PLSCR3: variants seen among roughly 807,000 people sequenced by gnomAD.
The protein encoded by PLSCR3 is phospholipid scramblase 3, also known as PL scramblase 3.
Under a neutral mutation model 33.7 loss-of-function variants are expected in PLSCR3, and 17 were observed. That is an observed-to-expected ratio of 0.50 (90% confidence interval 0.35 to 0.76). PLSCR3 has a LOEUF of 0.76. Among genes scored for constraint, PLSCR3 ranks in the 30% least tolerant of loss-of-function variants. The pLI is 0.01. For synonymous variants in PLSCR3, 166 were observed against 166.0 expected, an observed-to-expected ratio of 1.00 and a Z score of 0.00; for missense variants, 360 against 394.1, an observed-to-expected ratio of 0.91 and a Z score of 0.73.
Position 7,393,661 on chromosome 17 carries a change from C to T in PLSCR3, c.183G>A (p.Gly61=), listed in dbSNP as rs773554189. The change falls in exon 3 of 8, where the codon GGG becomes GGA. Residue 61 remains glycine (G), a synonymous_variant. Transcript: ENST00000619711. ...GCAGTGGCAAGAAGGGGGCAGCAGA[C>T]CCCAAGGCCACGGGGCCAGGCGAGG... ...LFPSPGPVAL[G]SAAPFLPLPG... is the part of the protein sequence containing the mutation. 17 of 1,606,708 alleles carry T rather than the reference C, an allele frequency of 1.1e-5. No homozygotes were observed. The highest frequency in any genetic ancestry group is 1.4e-5 in the Non-Finnish European group (17 of 1,178,822).
In PLSCR3 at chr17:7,394,512, C is replaced by T. The variant is rs1471744265; in HGVS notation, c.-193G>A. On this transcript the variant is annotated 5_prime_UTR_variant, in exon 1 of 8. Transcript: ENST00000619711. This position sits in a 1 kb window ranked among gnomAD's most constrained non-coding sequence, Gnocchi z 5.3. ...CAGAAGAGCCCGGGTGCCTAGCACTCGGCAGCTCACAGGAGCTGGCGGAGG... is the reference window on the plus strand; with the variant it reads ...CAGAAGAGCCCGGGTGCCTAGCACTTGGCAGCTCACAGGAGCTGGCGGAGG... 1 of 169,314 alleles carries T rather than the reference C, an allele frequency of 5.9e-6. No individual in the cohort carries two copies. 10.5% of individuals were successfully genotyped at this position (169,314 alleles called of 1,614,324 possible).
Position 7,393,322 on chromosome 17 carries a change from G to C in PLSCR3, c.329C>G (p.Ser110Cys), listed in dbSNP as rs779463098. 8 of 1,612,182 alleles carry C rather than the reference G, an allele frequency of 5.0e-6. No homozygotes were observed. In the South Asian group the frequency reaches 8.8e-5, roughly 18 times the overall value. Residue 110 changes from serine (S) to cysteine (C), a missense_variant, in exon 5 of 8, where the codon TCT (serine) becomes TGT (cysteine). Ser to Cys is a moderately radical substitution (Grantham distance 112, BLOSUM62 -1). Transcript: ENST00000619711. ...WETCNRYELR[S>C]GAGQPLGQAA... ...CTGACCCAGGGGCTGCCCGGCCCCA[G>C]AGCGCAGTTCATACCGATTACAGGT...
At chr17:7,393,566 C>T (rs1905917395) in intron 3 of PLSCR3, 35 bp downstream of exon 3, 1 of 1,613,544 alleles carries the variant, frequency 6.2e-7, no homozygotes, top group Non-Finnish European at 8.5e-7. Context: ...CCCAAGTCCC[C>T]TCCCAGTCAT....
chr17:7,393,112 G>GGCCCCCCCCCCCCCCCCCCCCCCCC, intron 5 of PLSCR3, 32 bp downstream of exon 5: 20 of 1,255,988 alleles, frequency 1.6e-5, no homozygotes, highest in Non-Finnish European at 2.1e-5. Context: ...CCCCACCAAG[G>GGCCCCCCCCCCCCCCCCCCCCCCCC]CCCGCCCTCC....
chr17:7,392,880 A>G lies in PLSCR3; in HGVS notation c.580T>C (p.Phe194Leu), dbSNP rs1905833447. The change falls in exon 6 of 8, where the codon TTC (phenylalanine) becomes CTC (leucine). Residue 194 changes from phenylalanine (F) to leucine (L), a missense_variant. By Grantham distance (22) the Phe-to-Leu change is conservative. Transcript: ENST00000619711. ...TGGCGATCGGCATCCTGGATGGAGA[A>G]CTTGGGGAGGAAGGGATGCCAGGTC... ...LQTWHPFLPK[F>L]SIQDADRQTV... 6.2e-7 allele frequency: 1 copy of G among 1,614,110 alleles called. No individual in the cohort carries two copies. The highest frequency in any genetic ancestry group is 1.1e-5 in the South Asian group (1 of 91,090).
In PLSCR3 at chr17:7,391,762, C is replaced by T. The variant is rs1357789285; in HGVS notation, c.670-967G>A. 6.6e-6 allele frequency among the ~76,000 whole-genome samples: 1 copy of T among 152,226 alleles called. No individual in the cohort carries two copies. Among genetic ancestry groups the T allele is most frequent in the Non-Finnish European group, 1.5e-5 (1 of 68,044 alleles). ...AATTGGTTCTCATCATGGAATCTCC[C>T]TCTGGCTACCAAGGTGACTCATTTT... On this transcript the variant is annotated intron_variant, in intron 6 of 7. Coordinates refer to ENST00000619711, the MANE Select transcript of PLSCR3 (RefSeq NM_020360.4). This position sits in a 1 kb window ranked among gnomAD's most constrained non-coding sequence, Gnocchi z 4.1.
Position 7,394,150 on chromosome 17 carries a change from T to C in PLSCR3, c.-40A>G. 6.2e-7 allele frequency: 1 copy of C among 1,608,784 alleles called. No individual in the cohort carries two copies. The highest frequency in any genetic ancestry group is 8.5e-7 in the Non-Finnish European group (1 of 1,176,270). On this transcript the variant is annotated 5_prime_UTR_variant, in exon 2 of 8. Transcript: ENST00000619711. The surrounding 1 kb of genome is among the most constrained non-coding windows in gnomAD (Gnocchi z 5.3). ...GGTTTTCGAGATGATGGTGTCTGGG[T>C]GGCTTAGTTCTGGAAGCGGAGGCAA...
chr17:7,390,584 A>C, intron 7 of PLSCR3, 50 bp downstream of exon 7: 2 of 1,607,376 alleles, frequency 1.2e-6, no homozygotes, highest in Non-Finnish European at 1.7e-6. Flanking sequence ...TAAAGCTTCA[A>C]ATGACAGCAA....
chr17:7,392,498 C>T (rs1905789676), intron 6 of PLSCR3, among the ~76,000 whole-genome samples: 1 of 152,214 alleles, frequency 6.6e-6, no homozygotes, highest in African/African-American at 2.4e-5. Context: ...CCCACACAGA[C>T]TTAATCGTCC....
At position 7,394,418 on chromosome 17, in the gene PLSCR3, T is replaced by A. The variant is rs907464668; in HGVS notation, c.-158+59A>T. ...GACGGCAGGACAGATGGACCCGCGG[T>A]CAGACCGACAGCCCCACCCCAAGGG... On this transcript the variant is annotated intron_variant, in intron 1 of 7. Transcript: ENST00000619711. The surrounding 1 kb of genome is among the most constrained non-coding windows in gnomAD (Gnocchi z 5.3). The A allele has an allele frequency of 3.0e-6, 1 of 336,812 alleles. No individual in the cohort carries two copies. Among genetic ancestry groups the A allele is most frequent in the Non-Finnish European group, 5.5e-6 (1 of 181,772 alleles). 20.9% of individuals were successfully genotyped at this position (336,812 alleles called of 1,614,324 possible). A position where few individuals can be genotyped will look rare whatever the true frequency, so the allele number is the denominator to read the frequency against.
rs750942931 is a variant in PLSCR3 at position 7,393,345 on chromosome 17, G to A, written c.306C>T (p.Thr102=). Residue 102 remains threonine, a synonymous_variant, in exon 5 of 8, where the codon ACC becomes ACT. Transcript: ENST00000619711. ...ERVETFLGWE[T]CNRYELRSGA... is the part of the protein sequence containing the mutation. ...CAGAGCGCAGTTCATACCGATTACA[G>A]GTCTCCCAGCCTAGGAACGCTGCCC... 4 of 1,613,102 alleles carry A rather than the reference G, an allele frequency of 2.5e-6. No individual in the cohort carries two copies. The highest frequency in any genetic ancestry group is 3.4e-6 in the Non-Finnish European group (4 of 1,179,928).
chr17:7,394,034 G>A lies in PLSCR3; in HGVS notation c.7+70C>T. 2 of 1,556,388 alleles carry A rather than the reference G, an allele frequency of 1.3e-6. No individual in the cohort carries two copies. The highest frequency in any genetic ancestry group is 1.8e-6 in the Non-Finnish European group (2 of 1,137,796). ...AGCCAGTCCGAGCACATTCCGGGAG[G>A]ATGTGTTCAAACCCGGCTCCCAAGT... On this transcript the variant is annotated intron_variant, in intron 2 of 7. Coordinates refer to ENST00000619711, the MANE Select transcript of PLSCR3 (RefSeq NM_020360.4). This position sits in a 1 kb window ranked among gnomAD's most constrained non-coding sequence, Gnocchi z 5.3.
rs1488058312 is a variant in PLSCR3 at position 7,389,902 on chromosome 17, T to A, written c.*483A>T. On this transcript the variant is annotated 3_prime_UTR_variant, in exon 8 of 8. Coordinates refer to ENST00000619711, the MANE Select transcript of PLSCR3 (RefSeq NM_020360.4). ...GTTGGCACTGGGGTCCCCCTGCAGC[T>A]GTTGATGGGGAGGTAGAGACCCCCT... 6.4e-6 allele frequency: 1 copy of A among 155,914 alleles called. No individual in the cohort carries two copies. The highest frequency in any genetic ancestry group is 2.4e-5 in the African/African-American group (1 of 41,474). The allele number at this position is 155,914 out of a possible 1,614,324, so 9.7% of individuals were successfully genotyped here. A position where few individuals can be genotyped will look rare whatever the true frequency, so the allele number is the denominator to read the frequency against.
At chr17:7,393,017 T>G in intron 5 of PLSCR3, 65 bp from the exon 6 acceptor site, 1 of 1,545,196 alleles carries the variant, frequency 6.5e-7, no homozygotes, top group Non-Finnish European at 8.8e-7. Flanking sequence ...ATCTGTCTAT[T>G]TGGCCCTCAC....
At chr17:7,392,363 C>T (rs1301707284) in intron 6 of PLSCR3, among the ~76,000 whole-genome samples, 4 of 152,156 alleles carry the variant, frequency 2.6e-5, no homozygotes, top group Middle Eastern at 3.2e-3. Flanking sequence ...TACTGGATTT[C>T]GGAATGGCAG....
intron 6 of PLSCR3, among the ~76,000 whole-genome samples, 161 bp from the exon 7 acceptor site, chr17:7,390,956 C>G (rs914509642): frequency 1.3e-5 from 2 of 152,140 alleles, no homozygotes; most frequent in African/African-American, 4.8e-5. Context: ...TAACTGGTTC[C>G]CATCACAGAG....
chr17:7,390,689 G>A lies in PLSCR3; in HGVS notation c.776C>T (p.Pro259Leu), dbSNP rs1217205073. 47 of 1,614,056 alleles carry A rather than the reference G, an allele frequency of 2.9e-5. No homozygotes were observed. Among genetic ancestry groups the A allele is most frequent in the Non-Finnish European group, 3.8e-5 (45 of 1,180,018 alleles). ...TDADDFGLQF[P>L]LDLDVRVKAV... ...CTTCACCCTCACATCCAGGTCCAGC[G>A]GGAACTGTAGGCCAAAGTCATCTGC... Residue 259 changes from proline (P) to leucine (L), a missense_variant, in exon 7 of 8, where the codon CCG (proline) becomes CTG (leucine). Physicochemically the swap from Pro to Leu is moderately conservative, Grantham distance 98. Transcript: ENST00000619711.
chr17:7,390,498 C>T, intron 7 of PLSCR3, 57 bp from the exon 8 acceptor site: 4 of 1,567,030 alleles, frequency 2.6e-6, no homozygotes, highest in Non-Finnish European at 3.5e-6. Flanking sequence ...GCTTGGCTGT[C>T]ACAGGCCAGC....
At position 7,391,104 on chromosome 17, in the gene PLSCR3, T is replaced by C. The variant is rs760706741; in HGVS notation, c.670-309A>G. Among the ~76,000 whole-genome samples the C allele has an allele frequency of 2.0e-5, 3 of 152,174 alleles. No homozygotes were observed. The highest frequency in any genetic ancestry group is 2.1e-4 in the South Asian group (1 of 4,832). The stretch of plus-strand genomic sequence containing the variant: ...ATCAGTGGTGGGAGAAATGGAAGCA[T>C]GACAATCCAACCCCCTTAGGGTATG... On this transcript the variant is annotated intron_variant, in intron 6 of 7. Transcript: ENST00000619711. The surrounding 1 kb of genome is among the most constrained non-coding windows in gnomAD (Gnocchi z 4.1).
Sources: allele counts gnomAD v4.1 joint callset (sites outside exome capture counted in the v4.1 genomes callset), GRCh38; gene constraint gnomAD v4.1.1; non-coding constraint Gnocchi (gnomAD v3.1); transcripts MANE v1.5; gene names NCBI Gene and HGNC (gene_info 2026-07-23, HGNC 2026-07-21).